WWC1: variants seen among roughly 807,000 people sequenced by gnomAD.
WWC1 encodes the protein WW and C2 domain containing 1, also known as protein KIBRA.
A neutral mutation model predicts 138.4 loss-of-function variants in WWC1; 55 were observed. The observed-to-expected ratio is 0.40, with a 90% CI of 0.32 to 0.50. The LOEUF (loss-of-function observed/expected upper bound fraction) is 0.50, where lower values mean the gene tolerates loss of function less well. WWC1 is among the 20% of genes least tolerant of loss of function. The pLI is 0.72. For synonymous variants in WWC1, 524 were observed against 564.9 expected, an observed-to-expected ratio of 0.93 and a Z score of 1.03; for missense variants, 1,226 against 1,420.4, an observed-to-expected ratio of 0.86 and a Z score of 2.20.
chr5:168,360,126 C>T (rs1460333571), intron 1 of WWC1, among the ~76,000 whole-genome samples: 1 of 152,174 alleles, frequency 6.6e-6, no homozygotes, highest in Non-Finnish European at 1.5e-5. Context: ...CCCGTTCCAC[C>T]AGTGGCAGTG....
intron 1 of WWC1, among the ~76,000 whole-genome samples, chr5:168,328,003 G>C (rs1772701615): frequency 6.6e-6 from 1 of 152,204 alleles, no homozygotes; most frequent in African/African-American, 2.4e-5. Context: ...AAACGCTGCT[G>C]CTCAAAACAG....
In WWC1 at chr5:168,469,522, G is replaced by A; in HGVS notation, c.*505G>A. 1 of 155,624 alleles carries A rather than the reference G, an allele frequency of 6.4e-6. No individual in the cohort carries two copies. 9.6% of individuals were successfully genotyped at this position (155,624 alleles called of 1,614,324 possible). A position where few individuals can be genotyped will look rare whatever the true frequency, so the allele number is the denominator to read the frequency against. On this transcript the variant is annotated 3_prime_UTR_variant, in exon 23 of 23. Coordinates refer to ENST00000265293, the MANE Select transcript of WWC1 (RefSeq NM_015238.3). ...ATTAAAAAAATGCACAGAAACCATTGGGGGGGATTCAGAGGTGCATCCACG... is the reference window on the plus strand; with the variant it reads ...ATTAAAAAAATGCACAGAAACCATTAGGGGGGATTCAGAGGTGCATCCACG...
At chr5:168,420,883 A>T (rs1195806245) in intron 9 of WWC1, among the ~76,000 whole-genome samples, 1 of 152,006 alleles carries the variant, frequency 6.6e-6, no homozygotes, top group African/African-American at 2.4e-5. Flanking sequence ...TCCTCCCCAC[A>T]GTCATGGTGA....
At chr5:168,295,585 A>C (rs1432077359) in intron 1 of WWC1, among the ~76,000 whole-genome samples, 2 of 151,850 alleles carry the variant, frequency 1.3e-5, no homozygotes, top group African/African-American at 4.8e-5. Context: ...TGAATTTAAA[A>C]GAAGTAAGTC....
chr5:168,391,519 C>T (rs907292446), intron 3 of WWC1, among the ~76,000 whole-genome samples: 47 of 151,626 alleles, frequency 3.1e-4, no homozygotes, highest in Admixed American at 9.2e-4. Context: ...AGTAGCTGGG[C>T]GTGGTGGTGG....
chr5:168,403,871 T>TACACACACACACACACAC lies in WWC1; in HGVS notation c.591-2304_591-2287dup, dbSNP rs57788100. Among the ~76,000 whole-genome samples, 229 of 134,424 alleles carry TACACACACACACACACAC rather than the reference T, an allele frequency of 1.7e-3. 1 individual carries two copies. The highest frequency in any genetic ancestry group is 5.9e-3 in the African/African-American group (208 of 35,322). 88.2% of individuals were successfully genotyped at this position (134,424 alleles called of 152,430 possible). Reference sequence around the variant, plus strand: ...ATTTGGAAATCCTAAAACACATGCATACACACACACACACACACACACACA... The same window carrying TACACACACACACACACAC: ...ATTTGGAAATCCTAAAACACATGCATACACACACACACACACACACACACACACACACACACACACACA... On this transcript the variant is annotated intron_variant, in intron 5 of 22. Coordinates refer to ENST00000265293, the MANE Select transcript of WWC1 (RefSeq NM_015238.3).
intron 16 of WWC1, among the ~76,000 whole-genome samples, chr5:168,443,755 A>T (rs75630827): frequency 0.026 from 3,901 of 152,296 alleles, 82 homozygotes; most frequent in African/African-American, 0.066. Flanking sequence ...AAATGTCAGG[A>T]ATTTTTCAGG....
intron 1 of WWC1, among the ~76,000 whole-genome samples, chr5:168,295,381 C>T (rs553249394): frequency 4.2e-4 from 60 of 141,776 alleles, no homozygotes; most frequent in African/African-American, 1.5e-3. Flanking sequence ...AAACTTATTC[C>T]GGGGGGTGGT....
chr5:168,445,347 G>A (rs1225563383), intron 17 of WWC1, among the ~76,000 whole-genome samples: 1 of 151,656 alleles, frequency 6.6e-6, no homozygotes. Flanking sequence ...CTATTCGGGA[G>A]GCTGAGGCAG....
At chr5:168,345,683 A>G (rs1412394740) in intron 1 of WWC1, among the ~76,000 whole-genome samples, 4 of 152,248 alleles carry the variant, frequency 2.6e-5, no homozygotes, top group Admixed American at 6.5e-5. Flanking sequence ...CTAGACACTA[A>G]TGTTAAGTGG....
At chr5:168,412,077 A>G (rs921328622) in intron 8 of WWC1, 1 of 985,448 alleles carries the variant, frequency 1.0e-6, no homozygotes, top group Non-Finnish European at 1.2e-6. Context: ...TCTGAAGAGG[A>G]CCACTCTGAA....
intron 9 of WWC1, among the ~76,000 whole-genome samples, chr5:168,418,937 C>T (rs1282328881): frequency 1.3e-5 from 2 of 152,196 alleles, no homozygotes; most frequent in Admixed American, 6.5e-5. Context: ...TCTAGAAGAA[C>T]AGTGCCAGGG....
intron 1 of WWC1, among the ~76,000 whole-genome samples, chr5:168,349,244 G>A (rs1165735425): frequency 6.6e-6 from 1 of 152,146 alleles, no homozygotes; most frequent in Non-Finnish European, 1.5e-5. Flanking sequence ...AGCCATGCAG[G>A]TGTAGGCCTC....
chr5:168,428,057 G>A lies in WWC1; in HGVS notation c.1835G>A (p.Gly612Asp). The change falls in exon 12 of 23, where the codon GGC (glycine) becomes GAC (aspartate). Residue 612 changes from glycine (G) to aspartate (D), a missense_variant. Transcript: ENST00000265293. Reference protein sequence around the residue: ...GQAVNTAQGCGLKVACVSAAV... With the variant: ...GQAVNTAQGCDLKVACVSAAV... ...GCTGTGAATACGGCCCAGGGGTGTG[G>A]CCTGAAAGTGGCCTGTGTCTCAGCC... 2 of 1,613,716 alleles carry A rather than the reference G, an allele frequency of 1.2e-6. No individual in the cohort carries two copies.
At chr5:168,440,563 C>A (rs1272835434) in intron 15 of WWC1, among the ~76,000 whole-genome samples, 1 of 152,102 alleles carries the variant, frequency 6.6e-6, no homozygotes, top group Non-Finnish European at 1.5e-5. Flanking sequence ...GTTGCCCAGG[C>A]TGGAGTGCAA....
chr5:168,387,961 T>A, intron 3 of WWC1, among the ~76,000 whole-genome samples: 1 of 152,288 alleles, frequency 6.6e-6, no homozygotes, highest in Middle Eastern at 3.4e-3. Flanking sequence ...CAGGTGTATA[T>A]AAAAACAAAA....
At chr5:168,370,964 A>AG (rs1233058412) in intron 1 of WWC1, among the ~76,000 whole-genome samples, 1 of 152,230 alleles carries the variant, frequency 6.6e-6, no homozygotes, top group Non-Finnish European at 1.5e-5. Flanking sequence ...AGCCTTCCAA[A>AG]GGGCAAGTGA....
chr5:168,401,618 TA>T (rs1359609152), intron 5 of WWC1, among the ~76,000 whole-genome samples: 1 of 152,244 alleles, frequency 6.6e-6, no homozygotes, highest in African/African-American at 2.4e-5. Flanking sequence ...ACACATGCTG[TA>T]AGAAAGTATG....
At chr5:168,402,560 G>A (rs1041323926) in intron 5 of WWC1, among the ~76,000 whole-genome samples, 43 of 152,256 alleles carry the variant, frequency 2.8e-4, no homozygotes, top group African/African-American at 1.0e-3. Context: ...CTCTTTGTCT[G>A]CCCTGGGCTA....
Sources: gnomAD v4.1 joint callset for allele counts (sites outside exome capture counted in the v4.1 genomes callset) on GRCh38, gnomAD v4.1.1 for gene constraint, MANE v1.5 for transcripts, NCBI Gene and HGNC (gene_info 2026-07-23, HGNC 2026-07-21) for gene names.